TULP4: variants seen among roughly 807,000 people sequenced by gnomAD.
TULP4 encodes the protein TUB like protein 4, also known as tubby-related protein 4.
TULP4 carries 16 observed loss-of-function variants against 129.0 expected under a neutral mutation model. The ratio of observed to expected loss-of-function variants is 0.12; its 90% CI spans 0.08 to 0.19. TULP4 has a LOEUF of 0.19. TULP4 is among the 10% of genes least tolerant of loss of function. The pLI, the probability that TULP4 is intolerant of heterozygous loss-of-function variation, is 1.00. For synonymous variants in TULP4, 998 were observed against 854.0 expected, an observed-to-expected ratio of 1.17 and a Z score of -2.94; for missense variants, 1,842 against 2,059.1, an observed-to-expected ratio of 0.89 and a Z score of 2.04.
chr6:158,237,611 G>T, intron 1 of TULP4: 1 of 1,441,946 alleles, frequency 6.9e-7, no homozygotes, highest in Non-Finnish European at 9.7e-7. Context: ...GAACATTCTT[G>T]CATTGGCAGC....
chr6:158,445,275 T>C (rs548638752), intron 3 of TULP4, among the ~76,000 whole-genome samples: 4 of 152,282 alleles, frequency 2.6e-5, no homozygotes, highest in Non-Finnish European at 5.9e-5. Context: ...GCCCTGCCCA[T>C]ACCTGAAGCC....
At chr6:158,475,583 T>G (rs1779799273) in intron 6 of TULP4, among the ~76,000 whole-genome samples, 1 of 152,162 alleles carries the variant, frequency 6.6e-6, no homozygotes, top group Non-Finnish European at 1.5e-5. Flanking sequence ...TGAAGAGCTG[T>G]GCTGTTCTGC....
intron 3 of TULP4, among the ~76,000 whole-genome samples, chr6:158,438,423 T>C (rs1315278811): frequency 2.0e-5 from 3 of 152,232 alleles, no homozygotes; most frequent in Non-Finnish European, 2.9e-5. Flanking sequence ...CTCATGGCTC[T>C]GGAGGAGCGC....
intron 6 of TULP4, among the ~76,000 whole-genome samples, chr6:158,477,220 A>G (rs73796689): frequency 0.02 from 3,078 of 152,290 alleles, 115 homozygotes; most frequent in African/African-American, 0.07. Context: ...ACACATACTT[A>G]TGATAATTTT....
At chr6:158,307,680 A>G (rs757300542), upstream of TULP4, among the ~76,000 whole-genome samples, 77 of 152,054 alleles carry the variant, frequency 5.1e-4, no homozygotes, top group Non-Finnish European at 9.6e-4. Context: ...ATGGGGTTTC[A>G]CCATGTTGGC....
intron 1 of TULP4, among the ~76,000 whole-genome samples, chr6:158,402,675 T>A (rs1777880488): frequency 1.3e-5 from 2 of 152,178 alleles, no homozygotes. Context: ...TAAAGACATG[T>A]TTATTTGGAA....
intron 2 of TULP4, among the ~76,000 whole-genome samples, chr6:158,417,410 C>G (rs1778234278): frequency 6.6e-6 from 1 of 152,210 alleles, no homozygotes; most frequent in Non-Finnish European, 1.5e-5. Context: ...TGCCTGCCTA[C>G]CAGGTTTGAC....
chr6:158,239,146 C>T (rs1777793490), intron 1 of TULP4, among the ~76,000 whole-genome samples: 1 of 116,118 alleles, frequency 8.6e-6, no homozygotes, highest in South Asian at 2.9e-4. Context: ...CAGAGGCGCC[C>T]CTCACCTCCC....
rs554402258 is a variant in TULP4, at chr6:158,363,145, T to C, written c.252+48877T>C. Among the ~76,000 whole-genome samples, 219 of 150,898 alleles carry C rather than the reference T, an allele frequency of 1.5e-3. 1 individual carries two copies. The highest frequency in any genetic ancestry group is 3.4e-3 in the Middle Eastern group (1 of 290). On this transcript the variant is annotated intron_variant, in intron 1 of 13. Transcript: ENST00000367097. ...CCAGCTATTCACTGTTTAGAGCTAA[T>C]ACTTCCTTTATTCCCTGTTCTATCA...
At chr6:158,371,354 G>A (rs1037114300) in intron 1 of TULP4, among the ~76,000 whole-genome samples, 3 of 152,164 alleles carry the variant, frequency 2.0e-5, no homozygotes, top group African/African-American at 7.2e-5. Flanking sequence ...AAGCTCATTC[G>A]GCCCCTGGAG....
intron 8 of TULP4, among the ~76,000 whole-genome samples, chr6:158,485,413 T>C (rs1419224978): frequency 6.6e-6 from 1 of 152,226 alleles, no homozygotes; most frequent in African/African-American, 2.4e-5. Context: ...GATAAAGCGC[T>C]TATGAAATTA....
chr6:158,264,017 T>G (rs1397738516), intron 1 of TULP4, among the ~76,000 whole-genome samples: 5 of 152,016 alleles, frequency 3.3e-5, no homozygotes, highest in African/African-American at 9.7e-5. Flanking sequence ...GAGCCAAGAT[T>G]GCACCACTGC....
At chr6:158,340,087 C>G (rs183208886) in intron 1 of TULP4, among the ~76,000 whole-genome samples, 1 of 152,102 alleles carries the variant, frequency 6.6e-6, no homozygotes, top group Admixed American at 6.5e-5. Context: ...TGGATCTGCT[C>G]GTGCAAGGTG....
intron 1 of TULP4, among the ~76,000 whole-genome samples, chr6:158,276,974 C>T (rs1323035400): frequency 4.0e-5 from 6 of 151,874 alleles, no homozygotes; most frequent in South Asian, 2.1e-4. Context: ...GGTCTTGTTC[C>T]CGTTTCACAG....
At chr6:158,488,967 C>G (rs1231508054) in intron 8 of TULP4, among the ~76,000 whole-genome samples, 1 of 152,174 alleles carries the variant, frequency 6.6e-6, no homozygotes, top group Non-Finnish European at 1.5e-5. Flanking sequence ...GGAGTACCCC[C>G]AGAAGAACCC....
At chr6:158,387,464 C>G (rs144351324) in intron 1 of TULP4, among the ~76,000 whole-genome samples, 14 of 152,270 alleles carry the variant, frequency 9.2e-5, no homozygotes, top group African/African-American at 3.4e-4. Context: ...TAAAATAATG[C>G]ATAAACACCT....
At chr6:158,391,974 A>G (rs1209585800) in intron 1 of TULP4, among the ~76,000 whole-genome samples, 2 of 152,188 alleles carry the variant, frequency 1.3e-5, no homozygotes, top group Non-Finnish European at 2.9e-5. Context: ...TATGAAGTAT[A>G]TTAGTCCATT....
At chr6:158,348,155 CT>C (rs66811333) in intron 1 of TULP4, among the ~76,000 whole-genome samples, 48,903 of 120,996 alleles carry the variant, frequency 0.4, 9,809 homozygotes, top group Admixed American at 0.48. Context: ...ATGTTTTGGT[CT>C]TTTTTTTTTT....
Position 158,252,596 on chromosome 6 carries a change from G to T in TULP4, n.68+20293G>T, listed in dbSNP as rs144574558. Reference sequence around the variant, plus strand: ...TCACCACGTTGGCCAGGATGGTCTCGATCTCTTGACCTCATGATCTGCCCG... The same window carrying T: ...TCACCACGTTGGCCAGGATGGTCTCTATCTCTTGACCTCATGATCTGCCCG... On this transcript the variant is annotated intron_variant and non_coding_transcript_variant, in intron 1 of 1. Coordinates refer to the TULP4 transcript ENST00000620026. 5.2e-3 allele frequency among the ~76,000 whole-genome samples: 795 copies of T among 152,086 alleles called. 6 individuals carry two copies. The highest frequency in any genetic ancestry group is 0.018 in the African/African-American group (757 of 41,508).
Sources: allele counts gnomAD v4.1 joint callset (sites outside exome capture counted in the v4.1 genomes callset), GRCh38; gene constraint gnomAD v4.1.1; transcripts MANE v1.5; gene names NCBI Gene and HGNC (gene_info 2026-07-23, HGNC 2026-07-21).